Variants in UTP20 observed in about 807,000 individuals in gnomAD.
UTP20 encodes UTP20 small subunit processome component.
UTP20 carries 164 observed loss-of-function variants against 329.5 expected under a neutral mutation model. The observed-to-expected ratio is 0.50, with a 90% confidence interval of 0.44 to 0.57. UTP20 has a LOEUF of 0.57. UTP20 is among the 20% of genes least tolerant of loss of function. The pLI is 0.00. For synonymous variants in UTP20, 1,151 were observed against 1,159.3 expected (o/e 0.99, Z 0.14); for missense variants, 3,055 against 3,284.2 (o/e 0.93, Z 1.71).
In UTP20 at chr12:101,338,095, G is replaced by A. The variant is rs765694981; in HGVS notation, c.3686G>A (p.Cys1229Tyr). The change falls in exon 30 of 62, where the codon TGT (cysteine) becomes TAT (tyrosine). Residue 1229 changes from cysteine (C) to tyrosine (Y), a missense_variant. Transcript: ENST00000261637. ...LAKQKPGHPE[C>Y]DILTNVFAIL... ...AAACAGAAGCCTGGGCACCCAGAATGTGATATCCTGACCAATGTTTTTGCA... is the reference window on the plus strand; with the variant it reads ...AAACAGAAGCCTGGGCACCCAGAATATGATATCCTGACCAATGTTTTTGCA... 25 of 1,614,032 alleles carry A rather than the reference G, an allele frequency of 1.5e-5. No individual in the cohort carries two copies. The highest frequency in any genetic ancestry group is 1.9e-5 in the Non-Finnish European group (23 of 1,180,020).
At chr12:101,346,679 G>T in intron 38 of UTP20, 91 bp downstream of exon 38, 2 of 1,289,568 alleles carry the variant, frequency 1.6e-6, no homozygotes, top group Non-Finnish European at 1.0e-6. Context: ...TGTTTGTGTT[G>T]ATGTCATCAC....
rs750134146 is a variant in UTP20 at position 101,312,237 on chromosome 12, G to A, written c.2513G>A (p.Arg838Gln). 6.4e-5 allele frequency: 104 copies of A among 1,614,156 alleles called. 1 individual carries two copies. In the Admixed American group the frequency reaches 1.4e-3, roughly 21 times the overall value. Residue 838 changes from arginine (R) to glutamine (Q), a missense_variant, in exon 21 of 62, where the codon CGG becomes CAG. Around this residue, in one of 3 missense-constraint regions of UTP20, gnomAD observed 2,445 missense variants for 2,575.5 expected, o/e 0.95. Transcript: ENST00000261637. Reference sequence around the variant, plus strand: ...AAATTCCCAGAAAGAGTAGAGCCACGGTCCAGGGAGCTTTCCCCGCTTTTC... The same window carrying A: ...AAATTCCCAGAAAGAGTAGAGCCACAGTCCAGGGAGCTTTCCCCGCTTTTC... Reference protein sequence around the residue: ...LTKFPERVEPRSRELSPLFLR... With the variant: ...LTKFPERVEPQSRELSPLFLR...
intron 58 of UTP20, among the ~76,000 whole-genome samples, chr12:101,381,645 C>T (rs1284156614): frequency 2.0e-5 from 3 of 152,150 alleles, no homozygotes; most frequent in Non-Finnish European, 4.4e-5. Flanking sequence ...TACAGACATA[C>T]ACTCAAATAT....
Position 101,320,896 on chromosome 12 carries a change from T to A in UTP20, c.2874T>A (p.Asp958Glu). ...AAATGGTGCAAAAAATAACCTTGGA[T>A]TGCATAATGACATATAAACATCCTC... ...QDQMVQKITL[D>E]CIMTYKHPHV... Residue 958 changes from aspartate to glutamate, a missense_variant, in exon 24 of 62, where the codon GAT becomes GAA. Physicochemically the swap from Asp to Glu is conservative, Grantham distance 45. Around this residue, in one of 3 missense-constraint regions of UTP20, gnomAD observed 2,445 missense variants for 2,575.5 expected, o/e 0.95. Coordinates refer to ENST00000261637, the MANE Select transcript of UTP20 (RefSeq NM_014503.3). 1 of 1,612,044 alleles carries A rather than the reference T, an allele frequency of 6.2e-7. No individual in the cohort carries two copies. The highest frequency in any genetic ancestry group is 1.1e-5 in the South Asian group (1 of 90,320).
chr12:101,292,509 A>G (rs1464070122), intron 10 of UTP20, among the ~76,000 whole-genome samples: 2 of 152,164 alleles, frequency 1.3e-5, no homozygotes, highest in Non-Finnish European at 2.9e-5. Flanking sequence ...TGTCTGTTGG[A>G]GATATATTGA....
At chr12:101,359,190 A>T (rs1216449261) in intron 43 of UTP20, among the ~76,000 whole-genome samples, 1 of 151,986 alleles carries the variant, frequency 6.6e-6, no homozygotes, top group African/African-American at 2.4e-5. Context: ...CAGCCTCCGA[A>T]GTAGCTGGGA....
chr12:101,366,486 A>G, intron 46 of UTP20, 72 bp from the exon 47 acceptor site: 2 of 1,535,426 alleles, frequency 1.3e-6, no homozygotes, highest in Non-Finnish European at 1.8e-6. Context: ...TCACTTTAGA[A>G]GGGCCACTCT....
At chr12:101,374,311 C>T (rs1870403053) in intron 54 of UTP20, among the ~76,000 whole-genome samples, 1 of 151,974 alleles carries the variant, frequency 6.6e-6, no homozygotes. Flanking sequence ...GAAAGTATTC[C>T]ACTACATGAA....
At chr12:101,341,452 A>C (rs374426353) in intron 32 of UTP20, among the ~76,000 whole-genome samples, 1 of 152,140 alleles carries the variant, frequency 6.6e-6, no homozygotes, top group Non-Finnish European at 1.5e-5. Flanking sequence ...GATACTAAAC[A>C]TTTCTCCCCA....
Position 101,286,517 on chromosome 12 carries a change from C to A in UTP20, c.515+8C>A, listed in dbSNP as rs201218323. The A allele has an allele frequency of 1.9e-4, 299 of 1,547,108 alleles. No individual in the cohort carries two copies. Among genetic ancestry groups the A allele is most frequent in the Non-Finnish European group, 2.5e-4 (288 of 1,145,402 alleles). ...CATGTCCAGTATATACAGGTAACCC[C>A]TTTCTCTCTCTAGTATGTTTTTTAA... is the stretch of plus-strand genomic sequence containing the variant. On this transcript the variant is annotated splice_region_variant and intron_variant, in intron 5 of 61. Coordinates refer to ENST00000261637, the MANE Select transcript of UTP20 (RefSeq NM_014503.3).
At chr12:101,290,064 G>C in intron 6 of UTP20, 73 bp from the exon 7 acceptor site, 1 of 1,158,586 alleles carries the variant, frequency 8.6e-7, no homozygotes, top group Non-Finnish European at 1.2e-6. Flanking sequence ...ATATAGAATA[G>C]CAAATGAGAG....
intron 35 of UTP20, among the ~76,000 whole-genome samples, chr12:101,344,182 G>A (rs1172099120): frequency 6.6e-6 from 1 of 151,988 alleles, no homozygotes; most frequent in Admixed American, 6.5e-5. Flanking sequence ...GGCTGGCTGA[G>A]TCAAGGATAC....
intron 21 of UTP20, among the ~76,000 whole-genome samples, chr12:101,315,779 T>C (rs1397886467): frequency 6.6e-6 from 1 of 152,204 alleles, no homozygotes; most frequent in East Asian, 1.9e-4. Flanking sequence ...CAGCTGGCAT[T>C]TATGGTGTTA....
At chr12:101,324,357 C>G (rs1215169691) in intron 25 of UTP20, among the ~76,000 whole-genome samples, 1 of 151,830 alleles carries the variant, frequency 6.6e-6, no homozygotes, top group Non-Finnish European at 1.5e-5. Flanking sequence ...CCCGCCTCAG[C>G]TCCCCATGTA....
rs2305862 is a variant in UTP20, at chr12:101,363,752, G to A, written c.5958+9G>A. ...TCCTTCCATTAAAAGAGGTAAGGAC[G>A]TAAATGCAATTCTGGAGATCACAGC... On this transcript the variant is annotated intron_variant, in intron 45 of 61. Transcript: ENST00000261637. 0.21 allele frequency: 325,574 copies of A among 1,563,016 alleles called. 35,905 individuals carry two copies. The highest frequency in any genetic ancestry group is 0.39 in the East Asian group (17,172 of 44,526).
chr12:101,328,831 T>C (rs10860708), intron 26 of UTP20, among the ~76,000 whole-genome samples: 26,978 of 147,260 alleles, frequency 0.18, 5,170 homozygotes, highest in East Asian at 0.55. Flanking sequence ...ATCGCCCCAG[T>C]GCACTCCAGC....
At chr12:101,358,364 C>A (rs565378283) in intron 43 of UTP20, among the ~76,000 whole-genome samples, 2 of 152,222 alleles carry the variant, frequency 1.3e-5, no homozygotes, top group Non-Finnish European at 2.9e-5. Context: ...CTGAAAACTT[C>A]ATTAGGCAAT....
chr12:101,315,235 C>T (rs1872935891), intron 21 of UTP20, among the ~76,000 whole-genome samples: 1 of 152,046 alleles, frequency 6.6e-6, no homozygotes, highest in Non-Finnish European at 1.5e-5. Context: ...CCTGTAATCC[C>T]AGCACTTTGG....
At chr12:101,315,214 G>T (rs577653408) in intron 21 of UTP20, among the ~76,000 whole-genome samples, 8 of 150,970 alleles carry the variant, frequency 5.3e-5, no homozygotes, top group African/African-American at 1.2e-4. Context: ...GGCCAGGCAC[G>T]GTGGCTCACA....
Sources: gnomAD v4.1 joint callset for allele counts (sites outside exome capture counted in the v4.1 genomes callset) on GRCh38, gnomAD v4.1.1 for gene constraint, gnomAD v4.1.1 regional missense constraint, MANE v1.5 for transcripts, NCBI Gene and HGNC (gene_info 2026-07-23, HGNC 2026-07-21) for gene names.